Variants in BMPR1A observed in about 807,000 individuals in gnomAD.
The protein encoded by BMPR1A is bone morphogenetic protein receptor type-1A.
Under a neutral mutation model 66.0 loss-of-function variants are expected in BMPR1A, and 7 were observed. That is an observed-to-expected ratio of 0.11 (90% CI 0.06 to 0.20). The LOEUF is 0.20. Among genes scored for constraint, BMPR1A ranks in the 10% least tolerant of loss-of-function variants. The probability of loss-of-function intolerance (pLI) is 1.00; values close to 1 mark genes in which losing one functional copy is unlikely to be tolerated. For synonymous variants in BMPR1A, 200 were observed against 229.7 expected (o/e 0.87, Z 1.17); for missense variants, 408 against 669.1 (o/e 0.61, Z 4.31).
At chr10:86,869,241 G>T (rs1842823058) in intron 2 of BMPR1A, among the ~76,000 whole-genome samples, 1 of 152,136 alleles carries the variant, frequency 6.6e-6, no homozygotes, top group African/African-American at 2.4e-5. Context: ...CAGATCGCCT[G>T]AGGTCCAGGA....
At chr10:86,919,751 A>G (rs1839122305) in intron 10 of BMPR1A, among the ~76,000 whole-genome samples, 1 of 151,586 alleles carries the variant, frequency 6.6e-6, no homozygotes, top group Non-Finnish European at 1.5e-5. Context: ...TCAGTTGCCC[A>G]GGCTGGAATA....
At chr10:86,778,120 A>C (rs540296697) in intron 1 of BMPR1A, among the ~76,000 whole-genome samples, 1 of 152,242 alleles carries the variant, frequency 6.6e-6, no homozygotes, top group South Asian at 2.1e-4. Flanking sequence ...CATATAATGC[A>C]TGACAGGCTT....
At chr10:86,866,399 CTTTTTTT>C (rs1048293127) in intron 2 of BMPR1A, among the ~76,000 whole-genome samples, 19 of 69,474 alleles carry the variant, frequency 2.7e-4, no homozygotes, top group Middle Eastern at 9.6e-3. Context: ...AAGTTTCTTT[CTTTTTTT>C]TTTTTTTTTT....
intron 5 of BMPR1A, among the ~76,000 whole-genome samples, chr10:86,895,422 C>T (rs777478634): frequency 2.8e-4 from 43 of 151,966 alleles, no homozygotes; most frequent in Admixed American, 4.6e-4. Flanking sequence ...CCTTTAATCC[C>T]AGCTACTTGG....
chr10:86,918,611 TCTTTC>T (rs1458483117), intron 9 of BMPR1A, among the ~76,000 whole-genome samples: 2 of 149,960 alleles, frequency 1.3e-5, no homozygotes, highest in South Asian at 2.1e-4. Context: ...CTTTTTCTTT[TCTTTC>T]CTTTTCTTTT....
chr10:86,860,431 A>G (rs1002713276), intron 2 of BMPR1A, among the ~76,000 whole-genome samples: 1 of 152,216 alleles, frequency 6.6e-6, no homozygotes, highest in Non-Finnish European at 1.5e-5. Flanking sequence ...TGTTTAAACT[A>G]GAAATCCCAG....
chr10:86,872,880 A>T (rs1389863580), intron 2 of BMPR1A, among the ~76,000 whole-genome samples: 1 of 152,182 alleles, frequency 6.6e-6, no homozygotes, highest in East Asian at 1.9e-4. Flanking sequence ...GCCCAGGATT[A>T]CAGCTGAGAT....
intron 1 of BMPR1A, among the ~76,000 whole-genome samples, chr10:86,801,208 C>G (rs1231945966): frequency 2.6e-5 from 4 of 151,898 alleles, no homozygotes; most frequent in African/African-American, 9.7e-5. Context: ...GGTGCTATCA[C>G]GGGCTCACTG....
chr10:86,866,395 C>CTTTTTTTTT (rs1842785365), intron 2 of BMPR1A, among the ~76,000 whole-genome samples: 1 of 70,650 alleles, frequency 1.4e-5, no homozygotes, highest in Non-Finnish European at 2.8e-5. Flanking sequence ...GGGCAAGTTT[C>CTTTTTTTTT]TTTCTTTTTT....
chr10:86,829,387 G>A (rs1449654653), intron 1 of BMPR1A, among the ~76,000 whole-genome samples: 1 of 152,078 alleles, frequency 6.6e-6, no homozygotes, highest in Admixed American at 6.6e-5. Context: ...AAAATAGTAA[G>A]GAGAGGTCCC....
At chr10:86,900,271 G>GTCCTTTTCCCTTAA in intron 7 of BMPR1A, 145 bp downstream of exon 7, 1 of 763,954 alleles carries the variant, frequency 1.3e-6, no homozygotes, top group Non-Finnish European at 2.1e-6. Context: ...TTCTCTTAAG[G>GTCCTTTTCCCTTAA]GAAAAGGACC....
chr10:86,864,123 T>TG (rs956882833), intron 2 of BMPR1A, among the ~76,000 whole-genome samples: 76 of 152,322 alleles, frequency 5.0e-4, no homozygotes, highest in African/African-American at 1.8e-3. Context: ...CCTTTTTACT[T>TG]TACATCTCCA....
rs929716555 is a variant in BMPR1A, at chr10:86,906,723, C to CAA, written c.531-5479_531-5478dup. Among the ~76,000 whole-genome samples the CAA allele has an allele frequency of 6.5e-3, 70 of 10,698 alleles. 27 individuals carry two copies. Among genetic ancestry groups the CAA allele is most frequent in the Non-Finnish European group, 7.5e-3 (64 of 8,572 alleles). The allele number at this position is 10,698 out of a possible 152,430, so 7.0% of individuals were successfully genotyped here. Reference sequence around the variant, plus strand: ...TGGGCGACAGAGTGAGACTCCGTCTCAAAAAAAAAAAAAAAAAAAAAAAAA... The same window carrying CAA: ...TGGGCGACAGAGTGAGACTCCGTCTCAAAAAAAAAAAAAAAAAAAAAAAAAAA... On this transcript the variant is annotated intron_variant, in intron 7 of 12. Transcript: ENST00000372037.
intron 1 of BMPR1A, among the ~76,000 whole-genome samples, chr10:86,826,438 A>ACACACACACACC (rs1753644399): frequency 6.6e-6 from 1 of 151,696 alleles, no homozygotes; most frequent in Non-Finnish European, 1.5e-5. Context: ...ACACACACAC[A>ACACACACACACC]CACCCGCTTT....
At chr10:86,856,160 T>TA in intron 2 of BMPR1A, 13 of 529,640 alleles carry the variant, frequency 2.5e-5, no homozygotes, top group South Asian at 1.7e-4. Flanking sequence ...TCTTGTGACA[T>TA]AAAGGATAAC....
At chr10:86,824,081 T>TGTGTG (rs1842157809) in intron 1 of BMPR1A, among the ~76,000 whole-genome samples, 2 of 94,036 alleles carry the variant, frequency 2.1e-5, no homozygotes, top group African/African-American at 5.8e-5. Flanking sequence ...TTACCAAGGG[T>TGTGTG]TGTGTGTGTG....
intron 1 of BMPR1A, among the ~76,000 whole-genome samples, chr10:86,793,009 T>C (rs1841650908): frequency 6.6e-6 from 1 of 152,162 alleles, no homozygotes; most frequent in African/African-American, 2.4e-5. Flanking sequence ...AATAGCCCAC[T>C]GCTTTGTTTC....
Position 86,912,520 on chromosome 10 carries a change from G to A in BMPR1A, c.675+136G>A, listed in dbSNP as rs1272351076. The A allele has an allele frequency of 6.2e-5, 67 of 1,088,756 alleles. 1 individual carries two copies. The South Asian group carries it at 9.0e-4, about 15-fold the overall frequency. 67.4% of individuals were successfully genotyped at this position (1,088,756 alleles called of 1,614,324 possible). The stretch of plus-strand genomic sequence containing the variant: ...TTTCTCCTTATTTAGAAAGAGGTAT[G>A]CAGTATTGCAAGGTGAAATTAGTTA... On this transcript the variant is annotated intron_variant, in intron 8 of 12. Transcript: ENST00000372037.
chr10:86,759,980 C>A (rs1286524004), intron 1 of BMPR1A, among the ~76,000 whole-genome samples: 11 of 142,892 alleles, frequency 7.7e-5, no homozygotes, highest in Non-Finnish European at 4.6e-5. Flanking sequence ...CGCGACTCCA[C>A]CCCCACCCCC....
Sources: allele counts gnomAD v4.1 joint callset (sites outside exome capture counted in the v4.1 genomes callset), GRCh38; gene constraint gnomAD v4.1.1; transcripts MANE v1.5; gene names NCBI Gene and HGNC (gene_info 2026-07-23, HGNC 2026-07-21).